Variants in GALNT17 observed in about 807,000 individuals in gnomAD.
GALNT17 encodes polypeptide N-acetylgalactosaminyltransferase 17.
GALNT17 carries 29 observed loss-of-function variants against 63.7 expected under a neutral mutation model. The observed-to-expected ratio is 0.46, with a 90% confidence interval of 0.34 to 0.62. The LOEUF (loss-of-function observed/expected upper bound fraction) is 0.62. Among genes scored for constraint, GALNT17 ranks in the 20% least tolerant of loss-of-function variants. The pLI is 0.01. For missense variants in GALNT17, 603 were observed against 799.6 expected (o/e 0.75, Z 2.97); for synonymous variants, 305 against 318.3 (o/e 0.96, Z 0.45).
intron 3 of GALNT17, among the ~76,000 whole-genome samples, chr7:71,409,610 TG>T (rs1021864463): frequency 1.3e-5 from 2 of 152,164 alleles, no homozygotes; most frequent in African/African-American, 2.4e-5. Context: ...CTGGACTGGG[TG>T]GCCACTTCCC....
intron 5 of GALNT17, among the ~76,000 whole-genome samples, chr7:71,561,986 C>T (rs578054373): frequency 5.3e-4 from 80 of 151,346 alleles, no homozygotes; most frequent in African/African-American, 9.2e-4. Context: ...GATGGGGTCT[C>T]GCTCTGTCAC....
At chr7:71,377,207 A>C (rs1034133672) in intron 2 of GALNT17, among the ~76,000 whole-genome samples, 1 of 148,746 alleles carries the variant, frequency 6.7e-6, no homozygotes, top group Non-Finnish European at 1.5e-5. Context: ...CTGTACCTTG[A>C]AACTGGCATA....
intron 6 of GALNT17, among the ~76,000 whole-genome samples, chr7:71,653,114 C>T (rs1790778077): frequency 6.6e-6 from 1 of 152,180 alleles, no homozygotes; most frequent in South Asian, 2.1e-4. Flanking sequence ...TTCCCGGGTT[C>T]AAACAATTCT....
chr7:71,422,853 G>A (rs185884421), intron 5 of GALNT17, among the ~76,000 whole-genome samples: 4 of 152,306 alleles, frequency 2.6e-5, no homozygotes, highest in Non-Finnish European at 5.9e-5. Flanking sequence ...ATGAGTGCAA[G>A]GTGTTCCTGA....
At chr7:71,369,219 A>G (rs1018803289) in intron 2 of GALNT17, among the ~76,000 whole-genome samples, 2 of 152,228 alleles carry the variant, frequency 1.3e-5, no homozygotes, top group African/African-American at 4.8e-5. Context: ...CTTATCAAGT[A>G]TCTGGGATGA....
chr7:71,552,041 T>G, intron 5 of GALNT17, among the ~76,000 whole-genome samples: 1 of 150,976 alleles, frequency 6.6e-6, no homozygotes, highest in East Asian at 1.9e-4. Context: ...TTTATTTATT[T>G]ATTTATTTAT....
At chr7:71,404,672 T>C (rs2116398464) in intron 3 of GALNT17, among the ~76,000 whole-genome samples, 1 of 152,318 alleles carries the variant, frequency 6.6e-6, no homozygotes, top group East Asian at 1.9e-4. Flanking sequence ...GTGGCAAGGC[T>C]GGGGTGGGGT....
intron 9 of GALNT17, among the ~76,000 whole-genome samples, chr7:71,682,617 T>G (rs980276382): frequency 4.6e-5 from 7 of 151,980 alleles, no homozygotes; most frequent in South Asian, 2.1e-4. Flanking sequence ...CAATCATAGC[T>G]CACTGCAGCC....
At chr7:71,548,577 C>A (rs771462750) in intron 5 of GALNT17, among the ~76,000 whole-genome samples, 3 of 152,180 alleles carry the variant, frequency 2.0e-5, no homozygotes, top group Non-Finnish European at 2.9e-5. Context: ...TTATAAAGGG[C>A]AGTTCCCCTG....
chr7:71,308,447 T>C (rs1791348486), intron 1 of GALNT17, among the ~76,000 whole-genome samples: 1 of 152,076 alleles, frequency 6.6e-6, no homozygotes, highest in South Asian at 2.1e-4. Context: ...TTCTCAGGAG[T>C]AGGGAGGGAA....
chr7:71,190,018 A>G lies in GALNT17; in HGVS notation c.238+56978A>G, dbSNP rs544656736. Among the ~76,000 whole-genome samples, 10 of 152,086 alleles carry G rather than the reference A, an allele frequency of 6.6e-5. No individual in the cohort carries two copies. The South Asian group carries it at 1.2e-3, about 19-fold the overall frequency. On this transcript the variant is annotated intron_variant, in intron 1 of 10. Coordinates refer to ENST00000333538, the MANE Select transcript of GALNT17 (RefSeq NM_022479.3). ...AGTAGAAGCAGGGTTTCACTGTGTT[A>G]GCCAGGATGGTCTCGATCACCTGAC...
chr7:71,619,966 G>A (rs1168761636), intron 6 of GALNT17, among the ~76,000 whole-genome samples: 1 of 152,044 alleles, frequency 6.6e-6, no homozygotes, highest in Non-Finnish European at 1.5e-5. Context: ...ATGTTCATTC[G>A]ATGTCTTGTC....
At chr7:71,197,002 G>T (rs1318660447) in intron 1 of GALNT17, among the ~76,000 whole-genome samples, 12 of 151,968 alleles carry the variant, frequency 7.9e-5, no homozygotes, top group African/African-American at 2.7e-4. Flanking sequence ...TACGTAGTAG[G>T]TGTATATGTT....
intron 5 of GALNT17, among the ~76,000 whole-genome samples, chr7:71,523,426 C>A (rs747146670): frequency 9.2e-5 from 14 of 152,068 alleles, no homozygotes; most frequent in Non-Finnish European, 1.6e-4. Context: ...GAGACCCTGT[C>A]TCAAAAAAGA....
chr7:71,400,563 C>A (rs1221140716), intron 3 of GALNT17, among the ~76,000 whole-genome samples: 1 of 152,110 alleles, frequency 6.6e-6, no homozygotes, highest in Non-Finnish European at 1.5e-5. Flanking sequence ...TTAGACTATA[C>A]AAATATCGAC....
intron 6 of GALNT17, among the ~76,000 whole-genome samples, chr7:71,572,885 G>A (rs1485340808): frequency 6.6e-6 from 1 of 152,064 alleles, no homozygotes; most frequent in Non-Finnish European, 1.5e-5. Context: ...AAGCAAGGAG[G>A]GGACTCCTGG....
intron 5 of GALNT17, among the ~76,000 whole-genome samples, chr7:71,448,687 A>G (rs919476480): frequency 1.1e-4 from 17 of 152,188 alleles, no homozygotes; most frequent in South Asian, 4.1e-4. Context: ...AAAGGCATGT[A>G]TATCTTGCAA....
Position 71,372,642 on chromosome 7 carries a change from A to G in GALNT17, c.423-15593A>G, listed in dbSNP as rs117936498. On this transcript the variant is annotated intron_variant, in intron 2 of 10. Transcript: ENST00000333538. The stretch of plus-strand genomic sequence containing the variant: ...AATGTTTTAAAAAAATTTTGTAGAG[A>G]TGGAGTTTCACCATTTTGCCCAAGC... Among the ~76,000 whole-genome samples the G allele has an allele frequency of 1.9e-3, 290 of 152,238 alleles. 2 individuals are homozygous for G. Among genetic ancestry groups the G allele is most frequent in the Non-Finnish European group, 3.3e-3 (227 of 68,006 alleles).
chr7:71,231,122 A>G (rs1789780317), intron 1 of GALNT17, among the ~76,000 whole-genome samples: 1 of 152,214 alleles, frequency 6.6e-6, no homozygotes, highest in Admixed American at 6.5e-5. Flanking sequence ...CTTTTTCTTA[A>G]GGTGATCTAA....
Sources: gnomAD v4.1 joint callset for allele counts (sites outside exome capture counted in the v4.1 genomes callset) on GRCh38, gnomAD v4.1.1 for gene constraint, MANE v1.5 for transcripts, NCBI Gene and HGNC (gene_info 2026-07-23, HGNC 2026-07-21) for gene names.